Variants in TMCO5A observed in about 807,000 individuals in gnomAD.
The protein encoded by TMCO5A is transmembrane and coiled-coil domains 5A.
In TMCO5A, 34 loss-of-function variants were observed where a neutral mutation model predicts 42.3. That is an observed-to-expected ratio of 0.80 (90% CI 0.61 to 1.07). The LOEUF is 1.07. TMCO5A is among the 50% of genes least tolerant of loss of function. TMCO5A has a pLI of 0.00. For missense variants in TMCO5A, 357 were observed against 327.9 expected (o/e 1.09, Z -0.69); for synonymous variants, 131 against 115.6 (o/e 1.13, Z -0.86).
At chr15:37,943,580 T>C in intron 10 of TMCO5A, 182 bp downstream of exon 10, 1 of 563,344 alleles carries the variant, frequency 1.8e-6, no homozygotes, top group East Asian at 3.0e-5. Context: ...TAAGGAACAA[T>C]CTACTTTCTT....
At chr15:38,003,236 C>G in the TMCO5A span, among the ~76,000 whole-genome samples, 3 of 152,046 alleles carry the variant, frequency 2.0e-5, no homozygotes, top group Admixed American at 2.0e-4. Context: ...CTCTCTCTCT[C>G]TCTCTCTCTC....
At chr15:37,940,633 T>G (rs1362757488) in intron 6 of TMCO5A, among the ~76,000 whole-genome samples, 1 of 152,008 alleles carries the variant, frequency 6.6e-6, no homozygotes, top group Non-Finnish European at 1.5e-5. Flanking sequence ...TCTGCAAGGG[T>G]GGAAAGCTGG....
chr15:37,990,653 G>T, the TMCO5A span, among the ~76,000 whole-genome samples: 4 of 151,644 alleles, frequency 2.6e-5, no homozygotes, highest in African/African-American at 9.7e-5. Context: ...AACTGATTTT[G>T]GTCATTTTGC....
At chr15:38,021,029 T>C in the TMCO5A span, among the ~76,000 whole-genome samples, 1 of 152,176 alleles carries the variant, frequency 6.6e-6, no homozygotes, top group Non-Finnish European at 1.5e-5. Flanking sequence ...TGGACAAATT[T>C]GCATTCCGGG....
the TMCO5A span, among the ~76,000 whole-genome samples, chr15:38,035,637 G>C: frequency 6.6e-6 from 1 of 152,180 alleles, no homozygotes; most frequent in African/African-American, 2.4e-5. Context: ...TTCTGCAAAG[G>C]TACAGAATGC....
the TMCO5A span, among the ~76,000 whole-genome samples, chr15:38,006,858 ATAT>A: frequency 2.0e-5 from 3 of 151,140 alleles, no homozygotes; most frequent in African/African-American, 7.3e-5. Flanking sequence ...TTTAATATTT[ATAT>A]TATTATTTTT....
At chr15:37,962,455 G>C (rs1240618312) in intron 11 of TMCO5A, among the ~76,000 whole-genome samples, 1 of 152,038 alleles carries the variant, frequency 6.6e-6, no homozygotes, top group Admixed American at 6.6e-5. Context: ...TTTTGTTAAG[G>C]ATTTTAGTAT....
At chr15:37,943,682 G>A in intron 10 of TMCO5A, 1 of 372,638 alleles carries the variant, frequency 2.7e-6, no homozygotes, top group Non-Finnish European at 5.0e-6. Context: ...CTTAATTGAG[G>A]GTATGCTCTA....
chr15:38,016,224 C>T, the TMCO5A span, among the ~76,000 whole-genome samples: 1 of 151,966 alleles, frequency 6.6e-6, no homozygotes. Context: ...TAAAACTGCT[C>T]TAAAAAATAA....
intron 2 of TMCO5A, 121 bp from the exon 3 acceptor site, chr15:37,936,193 G>T (rs1489853531): frequency 4.5e-6 from 5 of 1,113,118 alleles, no homozygotes; most frequent in Admixed American, 2.9e-5. Flanking sequence ...GAATGAAAAT[G>T]GTATGCCCCC....
intron 11 of TMCO5A, among the ~76,000 whole-genome samples, chr15:37,948,564 C>T (rs1890044228): frequency 6.6e-6 from 1 of 152,006 alleles, no homozygotes; most frequent in Non-Finnish European, 1.5e-5. Flanking sequence ...CTAGTTTGTT[C>T]TCTTATACTC....
At chr15:37,970,951 CT>C (rs1464606427), downstream of TMCO5A, among the ~76,000 whole-genome samples, 4 of 152,184 alleles carry the variant, frequency 2.6e-5, no homozygotes, top group Non-Finnish European at 4.4e-5. Context: ...GTGTCTGTGG[CT>C]TTTCCAGGCA....
the TMCO5A span, among the ~76,000 whole-genome samples, chr15:37,980,636 GC>G: frequency 1.1e-3 from 74 of 68,268 alleles, 1 homozygote; most frequent in African/African-American, 1.6e-3. Flanking sequence ...AGCCATCTTG[GC>G]AAAAAAAAAA....
the TMCO5A span, among the ~76,000 whole-genome samples, chr15:37,986,000 T>C: frequency 6.6e-6 from 1 of 152,152 alleles, no homozygotes; most frequent in African/African-American, 2.4e-5. Context: ...TCCTTATGCT[T>C]TGAAAATCTG....
chr15:37,989,170 T>C, the TMCO5A span, among the ~76,000 whole-genome samples: 221 of 152,074 alleles, frequency 1.5e-3, no homozygotes, highest in Non-Finnish European at 2.9e-3. Context: ...GTAGCATCAA[T>C]AATAATCCTT....
the TMCO5A span, among the ~76,000 whole-genome samples, chr15:37,972,909 G>A: frequency 6.6e-6 from 1 of 152,090 alleles, no homozygotes; most frequent in African/African-American, 2.4e-5. Flanking sequence ...TATAGTTGTA[G>A]GTTTTACATA....
chr15:37,969,243 G>T (rs1212705838), downstream of TMCO5A, among the ~76,000 whole-genome samples: 1 of 152,092 alleles, frequency 6.6e-6, no homozygotes, highest in Non-Finnish European at 1.5e-5. Flanking sequence ...TTTACTGAAG[G>T]ACTAAAAACA....
In TMCO5A at chr15:37,951,139, C is replaced by T; in HGVS notation, c.772C>T (p.Leu258=). ...AAATCCAGATCTCCTCGTCAATGTA[C>T]TGCCCAAGGTACTGGGCAGGAGCAC... ...FINPDLLVNV[L]PKVLGRSTLW... is the part of the protein sequence containing the mutation. The change falls in exon 12 of 12, where the codon CTG becomes TTG. Residue 258 remains leucine, a synonymous_variant. Transcript: ENST00000319669. 6.2e-7 allele frequency: 1 copy of T among 1,613,814 alleles called. No individual in the cohort carries two copies. Among genetic ancestry groups the T allele is most frequent in the Non-Finnish European group, 8.5e-7 (1 of 1,179,876 alleles).
chr15:38,001,793 T>C, the TMCO5A span, among the ~76,000 whole-genome samples: 315 of 152,220 alleles, frequency 2.1e-3, 1 homozygote, highest in East Asian at 0.028. Context: ...AAGAGAGAAG[T>C]AATACAAACT....
Sources: gnomAD v4.1 joint callset for allele counts (sites outside exome capture counted in the v4.1 genomes callset) on GRCh38, gnomAD v4.1.1 for gene constraint, MANE v1.5 for transcripts, NCBI Gene and HGNC (gene_info 2026-07-23, HGNC 2026-07-21) for gene names.